The following UCHL5 variants were observed in gnomAD, a reference collection of about 807,000 sequenced individuals.
UCHL5 encodes the protein ubiquitin C-terminal hydrolase L5.
In UCHL5, 34 loss-of-function variants were observed where a neutral mutation model predicts 53.8. That is an observed-to-expected ratio of 0.63 (90% CI 0.48 to 0.84). UCHL5 has a LOEUF of 0.84. UCHL5 is among the 40% of genes least tolerant of loss of function. UCHL5 has a pLI of 0.00. For synonymous variants in UCHL5, 111 were observed against 126.3 expected, an observed-to-expected ratio of 0.88 and a Z score of 0.81; for missense variants, 290 against 385.6, an observed-to-expected ratio of 0.75 and a Z score of 2.08.
intron 1 of UCHL5, among the ~76,000 whole-genome samples, chr1:193,052,572 G>A (rs533909147): frequency 2.0e-5 from 3 of 152,296 alleles, no homozygotes; most frequent in African/African-American, 4.8e-5. Context: ...AGTAGTAATC[G>A]TGTAGTGGTT....
At chr1:193,031,095 A>G (rs1160718606) in intron 3 of UCHL5, among the ~76,000 whole-genome samples, 1 of 152,178 alleles carries the variant, frequency 6.6e-6, no homozygotes, top group Non-Finnish European at 1.5e-5. Context: ...GATCCGAATC[A>G]CAGTTCTTTA....
upstream of UCHL5, chr1:193,059,967 A>G (rs1399940661): frequency 7.3e-7 from 1 of 1,366,308 alleles, no homozygotes; most frequent in African/African-American, 1.5e-5. The surrounding 1 kb of genome is among the most constrained non-coding windows in gnomAD (Gnocchi z 4.9). Context: ...GCATCGCGGT[A>G]GGGACATCCT....
At chr1:193,052,385 T>A (rs947211168) in intron 1 of UCHL5, among the ~76,000 whole-genome samples, 8 of 152,158 alleles carry the variant, frequency 5.3e-5, no homozygotes, top group African/African-American at 1.9e-4. Flanking sequence ...GACTTTTTTT[T>A]ATTGTCATTA....
At chr1:193,049,974 T>G in intron 2 of UCHL5, 123 bp from the exon 3 acceptor site, 1 of 811,730 alleles carries the variant, frequency 1.2e-6, no homozygotes, top group Non-Finnish European at 1.8e-6. Context: ...TATGGGAAAT[T>G]TTTAAAAGAT....
chr1:193,020,825 A>T (rs79386834), intron 10 of UCHL5, among the ~76,000 whole-genome samples: 7 of 152,000 alleles, frequency 4.6e-5, no homozygotes, highest in African/African-American at 1.7e-4. Context: ...TGCTTAAAGG[A>T]AGTGTTTTAA....
chr1:193,023,975 G>A (rs1292253580), intron 7 of UCHL5, 29 bp from the exon 8 acceptor site: 3 of 1,450,568 alleles, frequency 2.1e-6, no homozygotes, highest in Non-Finnish European at 1.9e-6. Context: ...AGTTTATAAT[G>A]TAATAAAGAA....
chr1:193,018,768 C>T, intron 10 of UCHL5: 2 of 1,536,860 alleles, frequency 1.3e-6, no homozygotes, highest in Non-Finnish European at 8.8e-7. Flanking sequence ...CATATCTTTC[C>T]TGTTTGTTTC....
intron 9 of UCHL5, among the ~76,000 whole-genome samples, chr1:193,022,715 A>ATAGGT (rs1021726873): frequency 6.6e-6 from 1 of 152,066 alleles, no homozygotes; most frequent in Non-Finnish European, 1.5e-5. Flanking sequence ...GAAACACCAA[A>ATAGGT]TAGGTTAAAA....
intron 3 of UCHL5, among the ~76,000 whole-genome samples, chr1:193,035,240 G>C (rs1397407629): frequency 1.3e-5 from 2 of 151,780 alleles, no homozygotes; most frequent in African/African-American, 2.4e-5. Flanking sequence ...TATGCCAAAG[G>C]CAACAACCTA....
intron 7 of UCHL5, among the ~76,000 whole-genome samples, chr1:193,026,490 A>C (rs1031069813): frequency 5.3e-5 from 8 of 152,236 alleles, no homozygotes. Context: ...AAAGGCACGA[A>C]AAGATTTTCA....
At chr1:193,029,679 A>G in intron 3 of UCHL5, 22 bp from the exon 4 acceptor site, 3 of 1,550,986 alleles carry the variant, frequency 1.9e-6, no homozygotes, top group South Asian at 1.2e-5. Flanking sequence ...AAAAGTGAAG[A>G]TATCAATGTG....
intron 3 of UCHL5, among the ~76,000 whole-genome samples, chr1:193,040,631 A>G (rs1414802175): frequency 6.6e-6 from 1 of 152,192 alleles, no homozygotes; most frequent in Non-Finnish European, 1.5e-5. Flanking sequence ...CCAGCAATCC[A>G]CTACTGGGTA....
chr1:193,023,428 CAT>C (rs1480641987), intron 8 of UCHL5, among the ~76,000 whole-genome samples: 2 of 152,124 alleles, frequency 1.3e-5, no homozygotes, highest in Non-Finnish European at 2.9e-5. Context: ...GTAAAGACTA[CAT>C]GTGACTCTAA....
chr1:193,043,171 A>AAAAAAC, intron 3 of UCHL5, among the ~76,000 whole-genome samples: 1 of 148,054 alleles, frequency 6.8e-6, no homozygotes, highest in Non-Finnish European at 1.5e-5. Context: ...AAAAAAAAAA[A>AAAAAAC]AAAAACCACC....
intron 10 of UCHL5, among the ~76,000 whole-genome samples, chr1:193,017,608 C>T (rs900186952): frequency 4.6e-5 from 7 of 151,496 alleles, no homozygotes; most frequent in Non-Finnish European, 8.9e-5. Flanking sequence ...AAAGTATGTG[C>T]TTCTTTCCTT....
At chr1:193,059,823 A>C (rs1672292214), upstream of UCHL5, 2 of 1,357,484 alleles carry the variant, frequency 1.5e-6, no homozygotes, top group South Asian at 2.3e-5. This position sits in a 1 kb window ranked among gnomAD's most constrained non-coding sequence, Gnocchi z 4.9. Context: ...GTGCGGCCCC[A>C]GGGACGCGCA....
intron 3 of UCHL5, among the ~76,000 whole-genome samples, chr1:193,035,704 T>G (rs1207240704): frequency 6.6e-6 from 1 of 152,070 alleles, no homozygotes; most frequent in Admixed American, 6.5e-5. Context: ...AGAATAATAT[T>G]GTCACTATGG....
intron 3 of UCHL5, among the ~76,000 whole-genome samples, chr1:193,030,417 C>T (rs990372859): frequency 6.6e-6 from 1 of 152,208 alleles, no homozygotes; most frequent in Non-Finnish European, 1.5e-5. Context: ...CACAGCTGAT[C>T]TTGTTCTAGA....
At chr1:193,033,190 T>G (rs1231017653) in intron 3 of UCHL5, among the ~76,000 whole-genome samples, 1 of 152,130 alleles carries the variant, frequency 6.6e-6, no homozygotes, top group Non-Finnish European at 1.5e-5. Context: ...TGGAATACTA[T>G]GTGGCCATAA....
Sources: gnomAD v4.1 joint callset for allele counts (sites outside exome capture counted in the v4.1 genomes callset) on GRCh38, gnomAD v4.1.1 for gene constraint, Gnocchi (gnomAD v3.1) non-coding constraint, MANE v1.5 for transcripts, NCBI Gene and HGNC (gene_info 2026-07-23, HGNC 2026-07-21) for gene names.